Variants in DNM1 observed in about 807,000 individuals in gnomAD.
DNM1 encodes the protein dynamin 1.
Under a neutral mutation model 104.6 loss-of-function variants are expected in DNM1, and 29 were observed. That is an observed-to-expected ratio of 0.28 (90% CI 0.21 to 0.38). The LOEUF (loss-of-function observed/expected upper bound fraction) is 0.38, where lower values mean the gene tolerates loss of function less well. Among genes scored for constraint, DNM1 ranks in the 10% least tolerant of loss-of-function variants. The pLI is 1.00. For synonymous variants in DNM1, 445 were observed against 475.8 expected, an observed-to-expected ratio of 0.94 and a Z score of 0.84; for missense variants, 640 against 1,189.4, an observed-to-expected ratio of 0.54 and a Z score of 6.79.
Position 128,203,428 on chromosome 9 carries a change from G to A in DNM1, c.-43G>A, listed in dbSNP as rs554692756. On this transcript the variant is annotated 5_prime_UTR_variant, in exon 1 of 22. Coordinates refer to ENST00000372923, the MANE Select transcript of DNM1 (RefSeq NM_004408.4). The surrounding 1 kb of genome is among the most constrained non-coding windows in gnomAD (Gnocchi z 5.3). ...CGGAGCCGGAGTCGGAGCCGGGAGC[G>A]CTAGCGGCAGCCGGATCGCAGCCTG... 4.9e-6 allele frequency: 7 copies of A among 1,416,636 alleles called. No individual in the cohort carries two copies. The highest frequency in any genetic ancestry group is 6.5e-6 in the Non-Finnish European group (7 of 1,081,334). The allele number at this position is 1,416,636 out of a possible 1,614,324, so 87.8% of individuals were successfully genotyped here. A position where few individuals can be genotyped will look rare whatever the true frequency, so the allele number is the denominator to read the frequency against.
At chr9:128,241,474 C>A (rs1236551517) in intron 14 of DNM1, among the ~76,000 whole-genome samples, 1 of 152,152 alleles carries the variant, frequency 6.6e-6, no homozygotes, top group Non-Finnish European at 1.5e-5. Context: ...GAGCCAAAGA[C>A]CCTTAGAACC....
intron 10 of DNM1, among the ~76,000 whole-genome samples, chr9:128,228,096 C>A (rs1835453005): frequency 6.6e-6 from 1 of 151,962 alleles, no homozygotes; most frequent in South Asian, 2.1e-4. Context: ...GGCTGGAGTG[C>A]AGTGGTGCCA....
chr9:128,215,869 A>G (rs984029516), intron 1 of DNM1, among the ~76,000 whole-genome samples: 1 of 151,980 alleles, frequency 6.6e-6, no homozygotes, highest in Non-Finnish European at 1.5e-5. Flanking sequence ...GCTGGTGGAG[A>G]AGAGGGTGGA....
intron 4 of DNM1, 152 bp downstream of exon 4, chr9:128,219,404 C>T: frequency 1.4e-6 from 1 of 726,412 alleles, no homozygotes; most frequent in Non-Finnish European, 2.3e-6. Flanking sequence ...CATGGTAGCT[C>T]ATGCCTGTAA....
At position 128,246,090 on chromosome 9, in the gene DNM1, G is replaced by A. The variant is rs117430563; in HGVS notation, c.1672-304G>A. Among the ~76,000 whole-genome samples the A allele has an allele frequency of 3.7e-3, 567 of 152,312 alleles. 18 individuals carry two copies. The East Asian group carries it at 0.082, about 22-fold the overall frequency. Reference sequence around the variant, plus strand: ...CCTGAGTGTGCGGTCCCTGCCTGAGGCTGGCCTGGCTTGTATCCAGGACTT... The same window carrying A: ...CCTGAGTGTGCGGTCCCTGCCTGAGACTGGCCTGGCTTGTATCCAGGACTT... On this transcript the variant is annotated intron_variant, in intron 15 of 21. Coordinates refer to ENST00000372923, the MANE Select transcript of DNM1 (RefSeq NM_004408.4).
At chr9:128,214,133 A>C (rs1484842923) in intron 1 of DNM1, among the ~76,000 whole-genome samples, 2 of 151,738 alleles carry the variant, frequency 1.3e-5, no homozygotes, top group Non-Finnish European at 2.9e-5. Flanking sequence ...GCTCACTGCC[A>C]TCCTCCAGGA....
chr9:128,204,572 G>A (rs997238063), intron 1 of DNM1, among the ~76,000 whole-genome samples: 6 of 152,178 alleles, frequency 3.9e-5, no homozygotes, highest in South Asian at 2.1e-4. Flanking sequence ...GTCGTGACCC[G>A]CAGGCTCCCC....
Position 128,254,202 on chromosome 9 carries a change from T to C in DNM1, c.2535-452T>C. ...CGCTCCCTCCAGCCATCCCTTTTAG[T>C]TTCACCCTCCTGGTTCAAGCAGTGT... On this transcript the variant is annotated intron_variant, in intron 21 of 21. Coordinates refer to ENST00000372923, the MANE Select transcript of DNM1 (RefSeq NM_004408.4). This position sits in a 1 kb window ranked among gnomAD's most constrained non-coding sequence, Gnocchi z 6.1. The C allele has an allele frequency of 1.5e-6, 2 of 1,329,424 alleles. No homozygotes were observed. The highest frequency in any genetic ancestry group is 9.5e-7 in the Non-Finnish European group (1 of 1,047,882). The allele number at this position is 1,329,424 out of a possible 1,614,324, so 82.4% of individuals were successfully genotyped here. A position where few individuals can be genotyped will look rare whatever the true frequency, so the allele number is the denominator to read the frequency against.
chr9:128,218,297 A>C lies in DNM1; in HGVS notation c.228A>C (p.Ala76=). The C allele has an allele frequency of 6.2e-7, 1 of 1,614,060 alleles. No homozygotes were observed. Among genetic ancestry groups the C allele is most frequent in the East Asian group, 2.2e-5 (1 of 44,852 alleles). ...CCCTGGTCTTGCAGCTGGTCAATGC[A>C]ACCACAGGTACGTGCCCTCCTTCAC... ...RRPLVLQLVN[A]TTEYAEFLHC... The change falls in exon 2 of 22, where the codon GCA becomes GCC. Residue 76 remains alanine (A), a synonymous_variant. Transcript: ENST00000372923. The surrounding 1 kb of genome is among the most constrained non-coding windows in gnomAD (Gnocchi z 4.8).
At position 128,248,774 on chromosome 9, in the gene DNM1, GGGCAGGGAAATCCTGT is replaced by G; in HGVS notation, c.2076+26_2076+41del. 6.2e-7 allele frequency: 1 copy of G among 1,603,046 alleles called. No individual in the cohort carries two copies. The highest frequency in any genetic ancestry group is 1.7e-4 in the Middle Eastern group (1 of 6,022). The stretch of plus-strand genomic sequence containing the variant: ...ACAATGTGCGTGCTCCACTGCATGG[GGGCAGGGAAATCCTGT>G]GGCACTGGGGATGCAGGTGGCCATG... On this transcript the variant is annotated intron_variant, in intron 19 of 21. Transcript: ENST00000372923. The surrounding 1 kb of genome is among the most constrained non-coding windows in gnomAD (Gnocchi z 5.6).
chr9:128,231,329 G>A (rs564635713), intron 10 of DNM1, among the ~76,000 whole-genome samples: 1 of 148,758 alleles, frequency 6.7e-6, no homozygotes, highest in African/African-American at 2.5e-5. Context: ...CAGCCTCCGA[G>A]TAGCTGGGAT....
At chr9:128,235,783 T>C (rs1347128264) in intron 11 of DNM1, among the ~76,000 whole-genome samples, 1 of 152,192 alleles carries the variant, frequency 6.6e-6, no homozygotes, top group African/African-American at 2.4e-5. Context: ...AGCATGATCA[T>C]GGTTCACTGA....
At chr9:128,212,829 CT>C (rs1834380911) in intron 1 of DNM1, among the ~76,000 whole-genome samples, 1 of 152,196 alleles carries the variant, frequency 6.6e-6, no homozygotes, top group African/African-American at 2.4e-5. Flanking sequence ...ATTCAATGAT[CT>C]TTGGTATATT....
rs890374856 is a variant in DNM1, at chr9:128,224,471, C to T, written c.1335+82C>T. On this transcript the variant is annotated intron_variant, in intron 10 of 21. Transcript: ENST00000372923. The surrounding 1 kb of genome is among the most constrained non-coding windows in gnomAD (Gnocchi z 4.3). ...CAGGCGCTCCTTCCCCATGTCCCCC[C>T]CTGCCTCCTCGGTAGCATGTACAGA... is the stretch of plus-strand genomic sequence containing the variant. 11 of 1,412,092 alleles carry T rather than the reference C, an allele frequency of 7.8e-6. No homozygotes were observed. Among genetic ancestry groups the T allele is most frequent in the East Asian group, 4.6e-5 (2 of 43,168 alleles). The allele number at this position is 1,412,092 out of a possible 1,614,324, so 87.5% of individuals were successfully genotyped here. A position where few individuals can be genotyped will look rare whatever the true frequency, so the allele number is the denominator to read the frequency against.
chr9:128,224,444 G>A lies in DNM1; in HGVS notation c.1335+55G>A. The A allele has an allele frequency of 6.5e-7, 1 of 1,544,370 alleles. No homozygotes were observed. Among genetic ancestry groups the A allele is most frequent in the Non-Finnish European group, 8.8e-7 (1 of 1,136,858 alleles). ...CGCCTCTGCCCCGCCCTGCACTGCT[G>A]CCAGGCGCTCCTTCCCCATGTCCCC... On this transcript the variant is annotated intron_variant, in intron 10 of 21. Coordinates refer to ENST00000372923, the MANE Select transcript of DNM1 (RefSeq NM_004408.4). The surrounding 1 kb of genome is among the most constrained non-coding windows in gnomAD (Gnocchi z 4.3).
intron 1 of DNM1, among the ~76,000 whole-genome samples, chr9:128,217,082 G>A (rs1834653222): frequency 6.6e-6 from 1 of 152,240 alleles, no homozygotes; most frequent in Admixed American, 6.5e-5. Flanking sequence ...CAAAAGGACA[G>A]CTGAGGTTGA....
At chr9:128,215,822 A>C (rs375297246) in intron 1 of DNM1, among the ~76,000 whole-genome samples, 1 of 152,058 alleles carries the variant, frequency 6.6e-6, no homozygotes, top group Admixed American at 6.6e-5. Flanking sequence ...TGCAGTTTCC[A>C]TGGCAACTAC....
At chr9:128,250,691 CCT>C in intron 20 of DNM1, 32 bp from the exon 21 acceptor site, 1 of 1,446,104 alleles carries the variant, frequency 6.9e-7, no homozygotes, top group East Asian at 3.0e-5. Flanking sequence ...GCTCATCTCG[CCT>C]CTCCTTGTTC....
rs1490685176 is a variant in DNM1, at chr9:128,245,205, C to A, written c.1672-1189C>A. Among the ~76,000 whole-genome samples the A allele has an allele frequency of 2.3e-4, 35 of 152,248 alleles. No individual in the cohort carries two copies. The highest frequency in any genetic ancestry group is 2.2e-3 in the Admixed American group (33 of 15,300). On this transcript the variant is annotated intron_variant, in intron 15 of 21. Coordinates refer to ENST00000372923, the MANE Select transcript of DNM1 (RefSeq NM_004408.4). The surrounding 1 kb of genome is among the most constrained non-coding windows in gnomAD (Gnocchi z 5.2). ...CTCCTCCCCCAGCCGCCCTCTGGGG[C>A]TCCCGGCCACCCGCCTGGCATAAAG... is the stretch of plus-strand genomic sequence containing the variant.
Sources: gnomAD v4.1 joint callset for allele counts (sites outside exome capture counted in the v4.1 genomes callset) on GRCh38, gnomAD v4.1.1 for gene constraint, Gnocchi (gnomAD v3.1) non-coding constraint, MANE v1.5 for transcripts, NCBI Gene and HGNC (gene_info 2026-07-23, HGNC 2026-07-21) for gene names.